The following TNRC6A variants were observed in gnomAD, a reference collection of about 807,000 sequenced individuals.
TNRC6A encodes the protein trinucleotide repeat-containing gene 6A protein.
A neutral mutation model predicts 221.2 loss-of-function variants in TNRC6A; 44 were observed. That is an observed-to-expected ratio of 0.20 (90% confidence interval 0.16 to 0.26). TNRC6A has a LOEUF of 0.26. Among genes scored for constraint, TNRC6A ranks in the 10% least tolerant of loss-of-function variants. The probability of loss-of-function intolerance (pLI) is 1.00; values close to 1 mark genes in which losing one functional copy is unlikely to be tolerated. For synonymous variants in TNRC6A, 847 were observed against 838.5 expected, an observed-to-expected ratio of 1.01 and a Z score of -0.18; for missense variants, 2,199 against 2,404.4, an observed-to-expected ratio of 0.91 and a Z score of 1.79.
intron 2 of TNRC6A, among the ~76,000 whole-genome samples, chr16:24,660,686 T>A (rs1596615503): frequency 6.6e-6 from 1 of 151,990 alleles, no homozygotes; most frequent in South Asian, 2.1e-4. Context: ...TTCAACATTG[T>A]CTGATATTAA....
chr16:24,756,306 C>G (rs2057249577), intron 3 of TNRC6A, among the ~76,000 whole-genome samples: 1 of 152,148 alleles, frequency 6.6e-6, no homozygotes, highest in Non-Finnish European at 1.5e-5. Context: ...GACAATTACT[C>G]TTAAAATGAC....
chr16:24,685,062 C>T (rs913280552), intron 2 of TNRC6A, among the ~76,000 whole-genome samples: 3 of 152,126 alleles, frequency 2.0e-5, no homozygotes, highest in African/African-American at 7.2e-5. Context: ...GAGGCCAAAT[C>T]CTTCCAAACT....
At chr16:24,750,696 G>A (rs2057116328) in intron 2 of TNRC6A, 30 bp from the exon 3 acceptor site, 1 of 1,490,138 alleles carries the variant, frequency 6.7e-7, no homozygotes, top group Non-Finnish European at 8.9e-7. Flanking sequence ...AATACATTTT[G>A]GGAAACTTAA....
At chr16:24,755,734 T>A (rs1376862772) in intron 3 of TNRC6A, among the ~76,000 whole-genome samples, 2 of 152,316 alleles carry the variant, frequency 1.3e-5, no homozygotes, top group East Asian at 3.9e-4. Context: ...GCTCTGCCAC[T>A]GCACTGCTGT....
At chr16:24,648,283 T>TTTTTTTTTTTTTTTC (rs1160141552) in intron 2 of TNRC6A, among the ~76,000 whole-genome samples, 1 of 138,956 alleles carries the variant, frequency 7.2e-6, no homozygotes, top group Non-Finnish European at 1.5e-5. Flanking sequence ...ACTTTTTTTT[T>TTTTTTTTTTTTTTTC]TTTTTTGAGA....
At chr16:24,729,947 G>T (rs1596559700) in intron 1 of TNRC6A, 101 bp downstream of exon 1, 3 of 1,088,090 alleles carry the variant, frequency 2.8e-6, no homozygotes, top group Non-Finnish European at 3.4e-6. Flanking sequence ...GGCGCCGGGC[G>T]TCCCCGAGAC....
At chr16:24,635,055 G>A (rs551429731) in intron 1 of TNRC6A, among the ~76,000 whole-genome samples, 104 of 151,920 alleles carry the variant, frequency 6.8e-4, no homozygotes, top group Non-Finnish European at 1.3e-3. Context: ...GATTACAGAA[G>A]TGAGTCACCT....
intron 7 of TNRC6A, 142 bp downstream of exon 7, chr16:24,793,791 G>A (rs940880140): frequency 1.2e-6 from 1 of 800,890 alleles, no homozygotes; most frequent in Non-Finnish European, 1.7e-6. Flanking sequence ...TCAGTATTTT[G>A]CTCTTTGATT....
At chr16:24,629,279 T>C (rs1901206501) in intron 1 of TNRC6A, among the ~76,000 whole-genome samples, 1 of 152,164 alleles carries the variant, frequency 6.6e-6, no homozygotes, top group Non-Finnish European at 1.5e-5. Flanking sequence ...CAAATTTGAA[T>C]CTCCTAAGTG....
At position 24,789,677 on chromosome 16, in the gene TNRC6A, G is replaced by C. The variant is rs2058054567; in HGVS notation, c.1035G>C (p.Trp345Cys). The C allele has an allele frequency of 6.2e-7, 1 of 1,614,004 alleles. No homozygotes were observed. Among genetic ancestry groups the C allele is most frequent in the Non-Finnish European group, 8.5e-7 (1 of 1,180,028 alleles). Residue 345 changes from tryptophan to cysteine, a missense_variant, in exon 6 of 25, where the codon TGG becomes TGC. Around this residue, in one of 8 missense-constraint regions of TNRC6A, gnomAD observed 1,405 missense variants for 1,400.2 expected, o/e 1.00. Coordinates refer to ENST00000395799, the MANE Select transcript of TNRC6A (RefSeq NM_014494.4). ...SESSNNRMNAWGTVSSSSNGG... is the reference protein window; with the variant it reads ...SESSNNRMNACGTVSSSSNGG... ...GTAGCAACAATAGAATGAATGCTTG[G>C]GGCACTGTAAGTTCTTCATCAAATG...
At chr16:24,714,134 T>A (rs760081788) in intron 2 of TNRC6A, among the ~76,000 whole-genome samples, 31 of 152,096 alleles carry the variant, frequency 2.0e-4, no homozygotes, top group Non-Finnish European at 4.0e-4. Context: ...CCTTGTTCTC[T>A]CATTTAGGGT....
chr16:24,642,027 A>C (rs759758265), intron 2 of TNRC6A, among the ~76,000 whole-genome samples: 15 of 152,240 alleles, frequency 9.9e-5, no homozygotes, highest in Non-Finnish European at 2.1e-4. Context: ...ACTGGATCCC[A>C]TGGGGAAGGA....
At chr16:24,674,966 A>G (rs1216998062) in intron 2 of TNRC6A, among the ~76,000 whole-genome samples, 3 of 151,926 alleles carry the variant, frequency 2.0e-5, no homozygotes, top group South Asian at 2.1e-4. Flanking sequence ...TATTGAGACC[A>G]CTGTCTCTAC....
At chr16:24,771,546 TATG>T (rs2057594973) in intron 4 of TNRC6A, among the ~76,000 whole-genome samples, 1 of 101,584 alleles carries the variant, frequency 9.8e-6, no homozygotes, top group East Asian at 3.8e-4. Context: ...TATGTTATGT[TATG>T]TTATGTTATG....
intron 1 of TNRC6A, among the ~76,000 whole-genome samples, chr16:24,619,383 CTGAGAA>C (rs1900548827): frequency 6.6e-6 from 1 of 152,136 alleles, no homozygotes; most frequent in African/African-American, 2.4e-5. Context: ...CCCCTACTGC[CTGAGAA>C]TAACATTTGA....
At chr16:24,687,521 G>A (rs2055651063) in intron 2 of TNRC6A, among the ~76,000 whole-genome samples, 1 of 152,188 alleles carries the variant, frequency 6.6e-6, no homozygotes, top group African/African-American at 2.4e-5. Context: ...AGGTGCAATG[G>A]CTCATGCCTG....
chr16:24,713,206 C>A (rs1440543317), intron 2 of TNRC6A, among the ~76,000 whole-genome samples: 1 of 151,948 alleles, frequency 6.6e-6, no homozygotes, highest in Non-Finnish European at 1.5e-5. Context: ...TCACTTGAGG[C>A]CAGGAGTTCG....
chr16:24,805,801 T>C, intron 15 of TNRC6A, 68 bp downstream of exon 15: 3 of 1,599,024 alleles, frequency 1.9e-6, no homozygotes, highest in Non-Finnish European at 2.6e-6. Context: ...AACACTAGAC[T>C]CTGTGCGGGA....
intron 12 of TNRC6A, 40 bp downstream of exon 12, chr16:24,804,359 T>C (rs767914185): frequency 1.3e-6 from 2 of 1,584,730 alleles, no homozygotes; most frequent in Non-Finnish European, 8.5e-7. Flanking sequence ...GATAAACCAG[T>C]ATACTTCATA....
Sources: gnomAD v4.1 joint callset for allele counts (sites outside exome capture counted in the v4.1 genomes callset) on GRCh38, gnomAD v4.1.1 for gene constraint, gnomAD v4.1.1 regional missense constraint, MANE v1.5 for transcripts, NCBI Gene and HGNC (gene_info 2026-07-23, HGNC 2026-07-21) for gene names.